The following AHCTF1 variants were observed in gnomAD, a reference collection of about 807,000 sequenced individuals.
The protein encoded by AHCTF1 is AT-hook containing transcription factor 1.
In AHCTF1, 24 loss-of-function variants were observed where a neutral mutation model predicts 248.4. The ratio of observed to expected loss-of-function variants is 0.10; its 90% CI spans 0.07 to 0.14. The LOEUF is 0.14. Ranked by LOEUF, AHCTF1 falls within the 10% of genes least tolerant of loss-of-function variation. The pLI is 1.00. For missense variants in AHCTF1, 2,206 were observed against 2,636.2 expected, an observed-to-expected ratio of 0.84 and a Z score of 3.57; for synonymous variants, 786 against 929.8, an observed-to-expected ratio of 0.85 and a Z score of 2.81.
At chr1:246,853,874 G>T (rs1660901773) in intron 31 of AHCTF1, among the ~76,000 whole-genome samples, 1 of 152,160 alleles carries the variant, frequency 6.6e-6, no homozygotes, top group Admixed American at 6.5e-5. Context: ...TCCCTAACAT[G>T]TGGATACTAA....
chr1:246,850,904 C>T lies in AHCTF1; in HGVS notation c.5102G>A (p.Ser1701Asn). Reference sequence around the variant, plus strand: ...TTTAGTGGGACACATTATGTTTTGGCTCACTAAAGGTATTGTTTCATGAAT... The same window carrying T: ...TTTAGTGGGACACATTATGTTTTGGTTCACTAAAGGTATTGTTTCATGAAT... ...QSIHETIPLVSQNIMCPTKLV... is the reference protein window; with the variant it reads ...QSIHETIPLVNQNIMCPTKLV... The change falls in exon 33 of 36, where the codon AGC becomes AAC. Residue 1701 changes from serine (S) to asparagine (N), a missense_variant. Around this residue, in one of 6 missense-constraint regions of AHCTF1, gnomAD observed 955 missense variants for 1,055.6 expected, o/e 0.90. Coordinates refer to ENST00000648844, the MANE Select transcript of AHCTF1 (RefSeq NM_001323342.2). The T allele has an allele frequency of 2.5e-6, 4 of 1,613,944 alleles. No individual in the cohort carries two copies. The highest frequency in any genetic ancestry group is 3.4e-6 in the Non-Finnish European group (4 of 1,179,866).
Position 246,931,913 on chromosome 1 carries a change from GC to G in AHCTF1, c.-344del, listed in dbSNP as rs1475508953. 2 of 152,674 alleles carry G rather than the reference GC, an allele frequency of 1.3e-5. No homozygotes were observed. The highest frequency in any genetic ancestry group is 4.8e-5 in the African/African-American group (2 of 41,454). 9.5% of individuals were successfully genotyped at this position (152,674 alleles called of 1,614,324 possible). ...TGCCTGCTCGCCTCGGACAGCGCCG[GC>G]CCCGCTCTGCGCATTACCCTGCGCC... On this transcript the variant is annotated 5_prime_UTR_variant, in exon 1 of 36. An upstream open reading frame in the 5' UTR loses its in-frame stop. Transcript: ENST00000648844.
rs1353743980 is a variant in AHCTF1 at position 246,895,922 on chromosome 1, C to T, written c.1627G>A (p.Glu543Lys). The T allele has an allele frequency of 1.9e-6, 3 of 1,610,724 alleles. No individual in the cohort carries two copies. Among genetic ancestry groups the T allele is most frequent in the Admixed American group, 3.4e-5 (2 of 59,678 alleles). The change falls in exon 13 of 36, where the codon GAA becomes AAA. Residue 543 changes from glutamate (E) to lysine (K), a missense_variant. Physicochemically the swap from Glu to Lys is moderately conservative, Grantham distance 56. Transcript: ENST00000648844. Reference protein sequence around the residue: ...DVQPSSLSQEEQLEAILSAAI... With the variant: ...DVQPSSLSQEKQLEAILSAAI... Reference sequence around the variant, plus strand: ...GCTGACAATATAGCTTCTAACTGTTCTTCCTAAACCATGCATTACAGAAAG... The same window carrying T: ...GCTGACAATATAGCTTCTAACTGTTTTTCCTAAACCATGCATTACAGAAAG...
At chr1:246,902,399 G>A in intron 8 of AHCTF1, 126 bp downstream of exon 8, 9 of 1,203,340 alleles carry the variant, frequency 7.5e-6, no homozygotes, top group Admixed American at 2.2e-5. Flanking sequence ...ATATAGAACT[G>A]AATAAATTCC....
At chr1:246,912,261 G>A (rs2103211158) in intron 4 of AHCTF1, among the ~76,000 whole-genome samples, 1 of 151,878 alleles carries the variant, frequency 6.6e-6, no homozygotes, top group South Asian at 2.1e-4. Flanking sequence ...CGGATCACAA[G>A]GTCAAGAGAT....
chr1:246,861,819 T>G, intron 28 of AHCTF1, 140 bp downstream of exon 28: 4 of 765,188 alleles, frequency 5.2e-6, no homozygotes, highest in Non-Finnish European at 8.2e-6. Context: ...TAACCTTTTC[T>G]TATTTCATTA....
chr1:246,871,916 T>C (rs1187541357), intron 24 of AHCTF1, among the ~76,000 whole-genome samples: 1 of 151,906 alleles, frequency 6.6e-6, no homozygotes, highest in Non-Finnish European at 1.5e-5. Context: ...AACACAAACA[T>C]GTGAACTTTA....
intron 28 of AHCTF1, 139 bp from the exon 29 acceptor site, chr1:246,861,434 T>G (rs1271252570): frequency 1.2e-6 from 1 of 837,232 alleles, no homozygotes; most frequent in African/African-American, 1.7e-5. Flanking sequence ...ATTCATTTAT[T>G]CTAAATCCAT....
chr1:246,887,354 T>C lies in AHCTF1; in HGVS notation c.2329A>G (p.Ile777Val), dbSNP rs760500570. ...TACATAATATCAAGTAGCAAATAAA[T>C]GGTCTTTTAAAAAGCGGATTAAGGA... ...VTEAAKHSIT[I>V]YLLLDIMYSF... The change falls in exon 20 of 36, where the codon ATT (isoleucine) becomes GTT (valine). Residue 777 changes from isoleucine (I) to valine (V), a missense_variant. Coordinates refer to ENST00000648844, the MANE Select transcript of AHCTF1 (RefSeq NM_001323342.2). 1.2e-6 allele frequency: 2 copies of C among 1,607,902 alleles called. No individual in the cohort carries two copies. The highest frequency in any genetic ancestry group is 2.2e-5 in the East Asian group (1 of 44,658).
Position 246,862,059 on chromosome 1 carries a change from A to G in AHCTF1, c.3635T>C (p.Leu1212Ser). The G allele has an allele frequency of 6.2e-7, 1 of 1,611,742 alleles. No individual in the cohort carries two copies. The highest frequency in any genetic ancestry group is 8.5e-7 in the Non-Finnish European group (1 of 1,177,824). Residue 1212 changes from leucine (L) to serine (S), a missense_variant, in exon 28 of 36, where the codon TTA becomes TCA. Leu to Ser is a moderately radical substitution (Grantham distance 145). Transcript: ENST00000648844. ...ILRSTLRSTP[L>S]ASPSPSPGRS... ...TCCAGGTGATGGAGAGGGAGATGCT[A>G]AAGGTGTTGATCGAAGAGTAGACCT...
In AHCTF1 at chr1:246,857,746, A is replaced by C; in HGVS notation, c.4201T>G (p.Leu1401Val). 2 of 1,614,010 alleles carry C rather than the reference A, an allele frequency of 1.2e-6. No homozygotes were observed. Among genetic ancestry groups the C allele is most frequent in the Non-Finnish European group, 1.7e-6 (2 of 1,179,954 alleles). ...AAEAFSELNH[L>V]SPVQGTEASL... is the part of the protein sequence containing the mutation. ...GCTTCAGTTCCTTGAACCGGGCTTA[A>C]GTGATTCAATTCTGAAAATGCCTCT... Residue 1401 changes from leucine (L) to valine (V), a missense_variant, in exon 30 of 36, where the codon TTA (leucine) becomes GTA (valine). Coordinates refer to ENST00000648844, the MANE Select transcript of AHCTF1 (RefSeq NM_001323342.2).
At chr1:246,912,972 C>A (rs1665911899) in intron 4 of AHCTF1, among the ~76,000 whole-genome samples, 1 of 152,110 alleles carries the variant, frequency 6.6e-6, no homozygotes, top group African/African-American at 2.4e-5. Flanking sequence ...CAAATAAAAT[C>A]AATTATCACT....
At chr1:246,892,366 G>C (rs1664270692) in intron 14 of AHCTF1, among the ~76,000 whole-genome samples, 1 of 131,136 alleles carries the variant, frequency 7.6e-6, no homozygotes, top group Non-Finnish European at 1.5e-5. Context: ...CCAGGCTGGA[G>C]TGCAGTGGTG....
intron 30 of AHCTF1, among the ~76,000 whole-genome samples, chr1:246,856,395 T>C (rs1572370110): frequency 6.6e-6 from 1 of 152,340 alleles, no homozygotes; most frequent in South Asian, 2.1e-4. Context: ...AAATAGTATT[T>C]GAAAGTAAAT....
At position 246,895,933 on chromosome 1, in the gene AHCTF1, A is replaced by G. The variant is rs1041740265; in HGVS notation, c.1624-8T>C. On this transcript the variant is annotated splice_polypyrimidine_tract_variant and splice_region_variant and intron_variant, in intron 12 of 35. Transcript: ENST00000648844. The stretch of plus-strand genomic sequence containing the variant: ...AGCTTCTAACTGTTCTTCCTAAACC[A>G]TGCATTACAGAAAGGAAAGAAATGG... The G allele has an allele frequency of 6.2e-7, 1 of 1,605,394 alleles. No homozygotes were observed. Among genetic ancestry groups the G allele is most frequent in the Non-Finnish European group, 8.5e-7 (1 of 1,175,068 alleles).
At chr1:246,899,310 G>T (rs987203355) in intron 11 of AHCTF1, 141 bp downstream of exon 11, 3 of 594,292 alleles carry the variant, frequency 5.0e-6, no homozygotes, top group African/African-American at 3.9e-5. Flanking sequence ...ACTACTAGTT[G>T]ATAATCTCAT....
intron 4 of AHCTF1, among the ~76,000 whole-genome samples, chr1:246,911,006 T>A (rs1415040691): frequency 6.6e-6 from 1 of 152,216 alleles, no homozygotes; most frequent in African/African-American, 2.4e-5. Context: ...ATAAATTACT[T>A]TTGTAATCAA....
intron 1 of AHCTF1, among the ~76,000 whole-genome samples, chr1:246,924,583 T>C (rs1240796755): frequency 6.6e-6 from 1 of 152,164 alleles, no homozygotes; most frequent in African/African-American, 2.4e-5. Flanking sequence ...CTTGTCATTC[T>C]TATTCTCTCC....
At chr1:246,846,023 T>C (rs1403111739) in intron 33 of AHCTF1, among the ~76,000 whole-genome samples, 1 of 150,688 alleles carries the variant, frequency 6.6e-6, no homozygotes, top group Non-Finnish European at 1.5e-5. Context: ...GTTTCCTCAA[T>C]GAGGACAGAA....
Sources: allele counts gnomAD v4.1 joint callset (sites outside exome capture counted in the v4.1 genomes callset), GRCh38; gene constraint gnomAD v4.1.1; regional missense constraint gnomAD v4.1.1; transcripts MANE v1.5; gene names NCBI Gene and HGNC (gene_info 2026-07-23, HGNC 2026-07-21).